Variants in ARHGAP15 observed in about 807,000 individuals in gnomAD.
ARHGAP15 encodes Rho GTPase activating protein 15.
ARHGAP15 carries 51 observed loss-of-function variants against 63.7 expected under a neutral mutation model. That is an observed-to-expected ratio of 0.80 (90% confidence interval 0.64 to 1.01). The LOEUF (loss-of-function observed/expected upper bound fraction) is 1.01. Among genes scored for constraint, ARHGAP15 ranks in the 50% least tolerant of loss-of-function variants. The probability of loss-of-function intolerance (pLI) is 0.00; values close to 1 mark genes in which losing one functional copy is unlikely to be tolerated. For missense variants in ARHGAP15, 560 were observed against 564.6 expected (o/e 0.99, Z 0.08); for synonymous variants, 191 against 193.8 (o/e 0.99, Z 0.12).
chr2:143,169,563 T>A lies in ARHGAP15; in HGVS notation c.165+13908T>A, dbSNP rs148875111. Among the ~76,000 whole-genome samples the A allele has an allele frequency of 1.0e-3, 158 of 152,152 alleles. 1 individual carries two copies. Among genetic ancestry groups the A allele is most frequent in the African/African-American group, 3.7e-3 (155 of 41,568 alleles). On this transcript the variant is annotated intron_variant, in intron 2 of 13. Coordinates refer to ENST00000295095, the MANE Select transcript of ARHGAP15 (RefSeq NM_018460.4). ...TTATTTCATGTATTCAGGTGGTTATTTGCATAAATGAAACTTTGGAACACA... is the reference window on the plus strand; with the variant it reads ...TTATTTCATGTATTCAGGTGGTTATATGCATAAATGAAACTTTGGAACACA...
At chr2:143,658,540 C>G (rs1452529744) in intron 12 of ARHGAP15, among the ~76,000 whole-genome samples, 1 of 152,080 alleles carries the variant, frequency 6.6e-6, no homozygotes, top group African/African-American at 2.4e-5. Context: ...AGGAAAGAGG[C>G]AATTTTTTGG....
chr2:143,720,190 T>C (rs1035224918), intron 13 of ARHGAP15, among the ~76,000 whole-genome samples: 2 of 152,152 alleles, frequency 1.3e-5, no homozygotes, highest in African/African-American at 4.8e-5. Context: ...TCGTCATGAA[T>C]GCAGCTACCT....
chr2:143,304,514 T>C (rs924072875), intron 6 of ARHGAP15, among the ~76,000 whole-genome samples: 1 of 151,972 alleles, frequency 6.6e-6, no homozygotes, highest in Non-Finnish European at 1.5e-5. Context: ...AATGATGAGT[T>C]AATGGGTGCA....
intron 12 of ARHGAP15, among the ~76,000 whole-genome samples, chr2:143,693,433 C>T (rs976737400): frequency 6.6e-6 from 1 of 152,182 alleles, no homozygotes; most frequent in East Asian, 1.9e-4. Flanking sequence ...ACTCCCTCTT[C>T]ATTATAAAAG....
At chr2:143,464,625 T>G (rs1691115467) in intron 8 of ARHGAP15, among the ~76,000 whole-genome samples, 1 of 152,182 alleles carries the variant, frequency 6.6e-6, no homozygotes, top group Non-Finnish European at 1.5e-5. Flanking sequence ...CAAGACAAAC[T>G]TCTGTTGCAG....
At chr2:143,205,256 A>T (rs560852555) in intron 3 of ARHGAP15, among the ~76,000 whole-genome samples, 13 of 101,154 alleles carry the variant, frequency 1.3e-4, no homozygotes, top group Non-Finnish European at 2.2e-4. Context: ...AGAGAGAGAT[A>T]AAAAAAAAAA....
At chr2:143,710,745 A>G (rs1048432719) in intron 13 of ARHGAP15, among the ~76,000 whole-genome samples, 2 of 152,136 alleles carry the variant, frequency 1.3e-5, no homozygotes, top group Non-Finnish European at 2.9e-5. Context: ...CTTCTCTACT[A>G]TGAATCTTGG....
intron 6 of ARHGAP15, among the ~76,000 whole-genome samples, chr2:143,363,881 G>T (rs1686173358): frequency 6.6e-6 from 1 of 152,100 alleles, no homozygotes; most frequent in Non-Finnish European, 1.5e-5. Context: ...AAAAATAATT[G>T]TCAGATAAAG....
At chr2:143,222,686 G>T (rs1385136715) in intron 4 of ARHGAP15, among the ~76,000 whole-genome samples, 1 of 152,052 alleles carries the variant, frequency 6.6e-6, no homozygotes, top group Non-Finnish European at 1.5e-5. Flanking sequence ...TGTTTTGGGG[G>T]TGTTTTGTTG....
intron 2 of ARHGAP15, among the ~76,000 whole-genome samples, chr2:143,191,219 TA>T (rs1691675126): frequency 1.3e-5 from 2 of 152,204 alleles, no homozygotes; most frequent in South Asian, 4.1e-4. Flanking sequence ...TTATTTCAAT[TA>T]AAGACTCATT....
chr2:143,559,950 A>C (rs1008254656), intron 11 of ARHGAP15, among the ~76,000 whole-genome samples: 7 of 152,226 alleles, frequency 4.6e-5, no homozygotes, highest in Admixed American at 1.3e-4. Context: ...TATTTTCTAG[A>C]AGGCTCTAAA....
At chr2:143,698,863 AG>A (rs1395300321) in intron 12 of ARHGAP15, among the ~76,000 whole-genome samples, 2 of 152,176 alleles carry the variant, frequency 1.3e-5, no homozygotes, top group Admixed American at 6.5e-5. Context: ...GAGTACAAAA[AG>A]TTCCTTCCTC....
At chr2:143,310,656 T>C (rs1281802284) in intron 6 of ARHGAP15, among the ~76,000 whole-genome samples, 2 of 152,032 alleles carry the variant, frequency 1.3e-5, no homozygotes, top group Non-Finnish European at 2.9e-5. Context: ...AACACAGTTA[T>C]TTATATAAAA....
chr2:143,697,606 G>GCA (rs1161834269), intron 12 of ARHGAP15, among the ~76,000 whole-genome samples: 1 of 152,126 alleles, frequency 6.6e-6, no homozygotes, highest in African/African-American at 2.4e-5. Context: ...TGAGTTTGAA[G>GCA]CATGTGTATA....
At chr2:143,539,201 T>G (rs907019617) in intron 10 of ARHGAP15, among the ~76,000 whole-genome samples, 16 of 152,230 alleles carry the variant, frequency 1.1e-4, no homozygotes, top group Non-Finnish European at 2.1e-4. Context: ...TGGTAGTTTG[T>G]GTTTCTGTTG....
intron 5 of ARHGAP15, among the ~76,000 whole-genome samples, chr2:143,232,354 CTCTT>C (rs1456279827): frequency 6.6e-6 from 1 of 152,206 alleles, no homozygotes; most frequent in Non-Finnish European, 1.5e-5. Flanking sequence ...AACATACTCT[CTCTT>C]TTGCTCATCA....
chr2:143,679,009 T>C (rs1682963667), intron 12 of ARHGAP15, among the ~76,000 whole-genome samples: 1 of 152,220 alleles, frequency 6.6e-6, no homozygotes, highest in Non-Finnish European at 1.5e-5. Flanking sequence ...ATATGTATTC[T>C]ACTTTAAGAA....
chr2:143,164,075 C>T (rs1425120061), intron 2 of ARHGAP15, among the ~76,000 whole-genome samples: 1 of 151,984 alleles, frequency 6.6e-6, no homozygotes, highest in Non-Finnish European at 1.5e-5. Context: ...TTGTTTCATT[C>T]TTTTTCTTTC....
At chr2:143,648,750 C>T (rs1191648289) in intron 12 of ARHGAP15, 1 of 151,948 alleles carries the variant, frequency 6.6e-6, no homozygotes, top group African/African-American at 2.4e-5. Flanking sequence ...TCACCACGCC[C>T]TGTAGTCACA....
Sources: gnomAD v4.1 joint callset for allele counts (sites outside exome capture counted in the v4.1 genomes callset) on GRCh38, gnomAD v4.1.1 for gene constraint, MANE v1.5 for transcripts, NCBI Gene and HGNC (gene_info 2026-07-23, HGNC 2026-07-21) for gene names.